Variants in DPY19L2 observed in about 807,000 individuals in gnomAD.
DPY19L2 encodes the protein probable C-mannosyltransferase DPY19L2.
In DPY19L2, 34 loss-of-function variants were observed where a neutral mutation model predicts 97.9. The ratio of observed to expected loss-of-function variants is 0.35; its 90% CI spans 0.26 to 0.46. The LOEUF is 0.46. Ranked by LOEUF, DPY19L2 falls within the 20% of genes least tolerant of loss-of-function variation. The probability of loss-of-function intolerance (pLI) is 1.00; values close to 1 mark genes in which losing one functional copy is unlikely to be tolerated. For missense variants in DPY19L2, 623 were observed against 911.4 expected (o/e 0.68, Z 4.07); for synonymous variants, 230 against 307.9 (o/e 0.75, Z 2.65).
At chr12:63,581,799 T>C (rs1205785433) in intron 18 of DPY19L2, among the ~76,000 whole-genome samples, 1 of 139,444 alleles carries the variant, frequency 7.2e-6, no homozygotes, top group Non-Finnish European at 1.5e-5. Context: ...AAACTCTTTT[T>C]TTTCTCTTTT....
intron 9 of DPY19L2, among the ~76,000 whole-genome samples, chr12:63,619,702 AC>A (rs1888376135): frequency 6.6e-6 from 1 of 151,894 alleles, no homozygotes; most frequent in African/African-American, 2.4e-5. Flanking sequence ...ATGGGGTTTC[AC>A]CATCTTGGCC....
intron 6 of DPY19L2, among the ~76,000 whole-genome samples, chr12:63,628,241 C>T (rs1001965126): frequency 2.0e-5 from 3 of 152,128 alleles, no homozygotes; most frequent in Admixed American, 2.0e-4. Context: ...GTGCAGCGCA[C>T]CGAGCATGAG....
intron 21 of DPY19L2, among the ~76,000 whole-genome samples, chr12:63,563,158 T>A (rs1326219305): frequency 6.6e-6 from 1 of 152,132 alleles, no homozygotes; most frequent in Non-Finnish European, 1.5e-5. Context: ...TTTTTATACA[T>A]CTAGAGAAAG....
intron 7 of DPY19L2, among the ~76,000 whole-genome samples, chr12:63,625,920 A>C (rs1889452730): frequency 6.9e-6 from 1 of 145,162 alleles, no homozygotes. Flanking sequence ...CCACAATAAA[A>C]AGTTGAATAT....
chr12:63,595,659 C>G (rs1884086615), intron 15 of DPY19L2, among the ~76,000 whole-genome samples: 1 of 152,076 alleles, frequency 6.6e-6, no homozygotes, highest in African/African-American at 2.4e-5. Context: ...CCCCCACCCC[C>G]AATAATCCAG....
Position 63,560,516 on chromosome 12 carries a change from T to A in DPY19L2, c.2273A>T (p.Asn758Ile). ...QNSVYRVLKV[N>I] ...GTAAAATGGGTAGTATCCTTCTCAGTTAACCTTTAATACTCTGTACACACT... is the reference window on the plus strand; with the variant it reads ...GTAAAATGGGTAGTATCCTTCTCAGATAACCTTTAATACTCTGTACACACT... The change falls in exon 22 of 22, where the codon AAC becomes ATC. Residue 758 changes from asparagine (N) to isoleucine (I), a missense_variant. Asn to Ile is a moderately radical substitution (Grantham distance 149). Around this residue, in one of 6 missense-constraint regions of DPY19L2, gnomAD observed 294 missense variants for 446.2 expected, o/e 0.66. Transcript: ENST00000324472. 1.2e-6 allele frequency: 2 copies of A among 1,612,986 alleles called. No homozygotes were observed. Among genetic ancestry groups the A allele is most frequent in the African/African-American group, 1.3e-5 (1 of 75,038 alleles).
intron 6 of DPY19L2, among the ~76,000 whole-genome samples, chr12:63,639,638 A>C (rs1892357615): frequency 6.6e-6 from 1 of 152,202 alleles, no homozygotes; most frequent in Admixed American, 6.5e-5. Context: ...CTGCAAATCA[A>C]AACCACAATG....
chr12:63,573,315 A>C (rs1399834454), intron 19 of DPY19L2, among the ~76,000 whole-genome samples: 1 of 152,106 alleles, frequency 6.6e-6, no homozygotes, highest in African/African-American at 2.4e-5. Context: ...ATACTGAAGA[A>C]TGTATCAGTC....
At chr12:63,659,094 T>A (rs1043434215) in intron 4 of DPY19L2, among the ~76,000 whole-genome samples, 15 of 152,100 alleles carry the variant, frequency 9.9e-5, no homozygotes, top group Non-Finnish European at 1.8e-4. Context: ...TTAGGGTATA[T>A]CTACTGGAAA....
intron 4 of DPY19L2, among the ~76,000 whole-genome samples, chr12:63,659,438 T>G (rs1387252443): frequency 6.6e-6 from 1 of 150,828 alleles, no homozygotes; most frequent in African/African-American, 2.4e-5. Flanking sequence ...CCCAGATACA[T>G]GTACAAATCC....
chr12:63,579,524 G>T (rs1277795101), intron 19 of DPY19L2, among the ~76,000 whole-genome samples: 1 of 152,126 alleles, frequency 6.6e-6, no homozygotes, highest in South Asian at 2.1e-4. Context: ...ATCTTAGAAG[G>T]ATAAGTTGCC....
chr12:63,605,233 A>C (rs1435793885), intron 12 of DPY19L2, among the ~76,000 whole-genome samples: 1 of 152,090 alleles, frequency 6.6e-6, no homozygotes, highest in Non-Finnish European at 1.5e-5. Flanking sequence ...GAGGTCGGTA[A>C]GGAGCAGAGG....
chr12:63,613,841 A>G (rs1887407136), intron 11 of DPY19L2, among the ~76,000 whole-genome samples: 1 of 152,142 alleles, frequency 6.6e-6, no homozygotes. Flanking sequence ...CAAAACTTGT[A>G]TAACTTTTAA....
intron 19 of DPY19L2, among the ~76,000 whole-genome samples, chr12:63,579,032 G>A (rs375002411): frequency 6.6e-6 from 1 of 152,162 alleles, no homozygotes; most frequent in East Asian, 1.9e-4. Flanking sequence ...CACCTGTCCA[G>A]CAAGAGCTGG....
chr12:63,574,313 C>T (rs11503700), intron 19 of DPY19L2, among the ~76,000 whole-genome samples: 4,245 of 151,648 alleles, frequency 0.028, 223 homozygotes, highest in African/African-American at 0.096. Context: ...AGTTTAAAAA[C>T]ATAAAATGGA....
At chr12:63,626,867 C>T (rs1449527653) in intron 6 of DPY19L2, among the ~76,000 whole-genome samples, 1 of 152,122 alleles carries the variant, frequency 6.6e-6, no homozygotes, top group South Asian at 2.1e-4. Flanking sequence ...CAACCTCCGC[C>T]TCCTGGGTTC....
chr12:63,590,935 C>G, intron 16 of DPY19L2: 2 of 384,590 alleles, frequency 5.2e-6, no homozygotes, highest in South Asian at 3.7e-5. Context: ...CATCCATTGA[C>G]CCCTCCGAGT....
rs906552850 is a variant in DPY19L2 at position 63,569,326 on chromosome 12, G to A, written c.2024C>T (p.Ser675Phe). 12 of 1,592,020 alleles carry A rather than the reference G, an allele frequency of 7.5e-6. No homozygotes were observed. The highest frequency in any genetic ancestry group is 9.4e-6 in the Non-Finnish European group (11 of 1,171,078). Residue 675 changes from serine to phenylalanine, a missense_variant, in exon 21 of 22, where the codon TCT becomes TTT. By Grantham distance (155) the Ser-to-Phe change is radical. This residue lies in a region of DPY19L2 where 294 missense variants were observed against 446.2 expected (regional missense o/e 0.66). Transcript: ENST00000324472. Reference protein sequence around the residue: ...DLRARTKIVYSTYSRKSAKEV... With the variant: ...DLRARTKIVYFTYSRKSAKEV... ...TTTGGCAGATTTTCGACTATATGTA[G>A]AATAAACTATTTTTGTCCGAGCCCT...
intron 4 of DPY19L2, among the ~76,000 whole-genome samples, chr12:63,659,481 T>G (rs1895398580): frequency 6.6e-6 from 1 of 151,606 alleles, no homozygotes; most frequent in Admixed American, 6.6e-5. Context: ...CAGCAGGTTT[T>G]TTTTTTTGAG....
Sources: gnomAD v4.1 joint callset for allele counts (sites outside exome capture counted in the v4.1 genomes callset) on GRCh38, gnomAD v4.1.1 for gene constraint, gnomAD v4.1.1 regional missense constraint, MANE v1.5 for transcripts, NCBI Gene and HGNC (gene_info 2026-07-23, HGNC 2026-07-21) for gene names.